IL18RAP: variants seen among roughly 807,000 people sequenced by gnomAD.
The protein encoded by IL18RAP is interleukin-18 receptor accessory protein.
In IL18RAP, 37 loss-of-function variants were observed where a neutral mutation model predicts 58.1. That is an observed-to-expected ratio of 0.64 (90% CI 0.49 to 0.84). The LOEUF is 0.84. IL18RAP is among the 40% of genes least tolerant of loss of function. IL18RAP has a pLI of 0.00. For synonymous variants in IL18RAP, 268 were observed against 257.5 expected, an observed-to-expected ratio of 1.04 and a Z score of -0.39; for missense variants, 667 against 704.8, an observed-to-expected ratio of 0.95 and a Z score of 0.61.
At chr2:102,446,986 G>C (rs1683460674) in intron 7 of IL18RAP, 84 bp from the exon 8 acceptor site, 1 of 1,382,982 alleles carries the variant, frequency 7.2e-7, no homozygotes, top group East Asian at 2.4e-5. Context: ...AAAGGTGCTG[G>C]GTGGGCCATA....
At chr2:102,419,425 C>T (rs915196399), upstream of IL18RAP, 10 of 152,252 alleles carry the variant, frequency 6.6e-5, no homozygotes, top group Non-Finnish European at 1.3e-4. Flanking sequence ...TAGTTTAAGT[C>T]TGCCTTTGAT....
rs2104395043 is a variant in IL18RAP, at chr2:102,452,506, T to C, written c.*325T>C. On this transcript the variant is annotated 3_prime_UTR_variant, in exon 10 of 10. Transcript: ENST00000687160. The stretch of plus-strand genomic sequence containing the variant: ...GGCTAGGGAACTGTCATGTCTACCA[T>C]GTATTGTACATATGACTTTATGTAT... 3.6e-6 allele frequency: 1 copy of C among 275,152 alleles called. No individual in the cohort carries two copies. Among genetic ancestry groups the C allele is most frequent in the South Asian group, 1.2e-4 (1 of 8,018 alleles). The allele number at this position is 275,152 out of a possible 1,614,324, so 17.0% of individuals were successfully genotyped here. A position where few individuals can be genotyped will look rare whatever the true frequency, so the allele number is the denominator to read the frequency against.
Position 102,447,103 on chromosome 2 carries a change from G to C in IL18RAP, c.1106G>C (p.Gly369Ala). 6.2e-7 allele frequency: 1 copy of C among 1,614,066 alleles called. No homozygotes were observed. Among genetic ancestry groups the C allele is most frequent in the Non-Finnish European group, 8.5e-7 (1 of 1,180,000 alleles). ...CTGTACATCCTGCTTGGCACCATCG[G>C]GACCCTGGTGGCCGTGCTGGCGGCG... ...VLLYILLGTI[G>A]TLVAVLAASA... Residue 369 changes from glycine (G) to alanine (A), a missense_variant, in exon 8 of 10, where the codon GGG (glycine) becomes GCG (alanine). Gly to Ala is a moderately conservative substitution (Grantham distance 60, BLOSUM62 0). Transcript: ENST00000687160.
intron 3 of IL18RAP, among the ~76,000 whole-genome samples, chr2:102,426,329 T>C (rs1305374963): frequency 6.6e-6 from 1 of 152,138 alleles, no homozygotes; most frequent in Non-Finnish European, 1.5e-5. Flanking sequence ...CCACCAGATA[T>C]ACAGAGTATA....
Position 102,451,939 on chromosome 2 carries a change from C to A in IL18RAP, c.1558C>A (p.Pro520Thr). ...AATTAAGTTCTGTTACTTCCAAGAG[C>A]CAGAGTCTCTACCTCATCTCGTGAA... is the stretch of plus-strand genomic sequence containing the variant. ...ILIKFCYFQE[P>T]ESLPHLVKKA... The change falls in exon 10 of 10, where the codon CCA (proline) becomes ACA (threonine). Residue 520 changes from proline to threonine, a missense_variant. Transcript: ENST00000687160. 1 of 1,614,168 alleles carries A rather than the reference C, an allele frequency of 6.2e-7. No homozygotes were observed. The highest frequency in any genetic ancestry group is 8.5e-7 in the Non-Finnish European group (1 of 1,180,022).
rs1683092191 is a variant in IL18RAP at position 102,441,373 on chromosome 2, A to G, written c.792A>G (p.Glu264=). ...LDPVEDTLEV[E]LGKPLTISCK... ...CTGTCGAGGACACACTGGAAGTAGA[A>G]CTTGGTAAGCTGGGCCTCATCGCCT... The change falls in exon 5 of 10, where the codon GAA becomes GAG. Residue 264 remains glutamate (E), a synonymous_variant. Coordinates refer to ENST00000687160, the MANE Select transcript of IL18RAP (RefSeq NM_001393487.1). The G allele has an allele frequency of 3.7e-6, 6 of 1,612,838 alleles. No individual in the cohort carries two copies. In the South Asian group the frequency reaches 6.6e-5, roughly 18 times the overall value.
chr2:102,429,177 G>T (rs2104313294), intron 3 of IL18RAP, among the ~76,000 whole-genome samples: 1 of 151,936 alleles, frequency 6.6e-6, no homozygotes, highest in African/African-American at 2.4e-5. Context: ...GGCCTTTTCT[G>T]GCTTTGGTAT....
At chr2:102,429,735 C>T (rs552713370) in intron 3 of IL18RAP, among the ~76,000 whole-genome samples, 17 of 151,936 alleles carry the variant, frequency 1.1e-4, no homozygotes, top group African/African-American at 1.4e-4. Context: ...GGACTGCTTT[C>T]GCTGCATCCC....
At chr2:102,445,148 G>A (rs1347336679) in intron 6 of IL18RAP, 41 bp from the exon 7 acceptor site, 1 of 1,589,654 alleles carries the variant, frequency 6.3e-7, no homozygotes, top group Non-Finnish European at 8.6e-7. Flanking sequence ...GGGTGTCAAT[G>A]TATGTTACTG....
intron 3 of IL18RAP, among the ~76,000 whole-genome samples, chr2:102,435,795 C>T (rs1208714528): frequency 6.6e-6 from 1 of 151,766 alleles, no homozygotes; most frequent in Non-Finnish European, 1.5e-5. Context: ...AATAACTGTT[C>T]TTCTCCCTGC....
At chr2:102,449,935 T>C (rs1683660336) in intron 8 of IL18RAP, among the ~76,000 whole-genome samples, 1 of 152,184 alleles carries the variant, frequency 6.6e-6, no homozygotes, top group Admixed American at 6.5e-5. Flanking sequence ...CTCTGTTGAC[T>C]CTGGGAGCTT....
chr2:102,421,375 A>G (rs550235877), upstream of IL18RAP, among the ~76,000 whole-genome samples: 2 of 152,338 alleles, frequency 1.3e-5, no homozygotes, highest in East Asian at 1.9e-4. Context: ...CATTTTGTCC[A>G]TGGTGCTCTG....
At position 102,445,316 on chromosome 2, in the gene IL18RAP, G is replaced by A. The variant is rs11465716; in HGVS notation, c.1048G>A (p.Val350Ile). 1,275 of 1,614,122 alleles carry A rather than the reference G, an allele frequency of 7.9e-4. 11 individuals are homozygous for A. The African/African-American group carries it at 0.013, about 17-fold the overall frequency. The part of the protein sequence containing the change: ...QNSIGNTTQS[V>I]QLKEKRGVVL... The stretch of plus-strand genomic sequence containing the variant: ...CTCCATTGGAAACACAACCCAGTCC[G>A]TCCAACTGAAAGAAAAGAGAGGAGG... Residue 350 changes from valine (V) to isoleucine (I), a missense_variant, in exon 7 of 10, where the codon GTC becomes ATC. Val to Ile is a conservative substitution (Grantham distance 29, BLOSUM62 3). Transcript: ENST00000687160.
chr2:102,447,253 T>C (rs910585551), intron 8 of IL18RAP, 46 bp downstream of exon 8: 8 of 1,595,574 alleles, frequency 5.0e-6, no homozygotes, highest in Non-Finnish European at 1.7e-6. Flanking sequence ...CCTCTGGGAA[T>C]TGACTTGGAG....
At chr2:102,424,596 C>T (rs1000038844) in intron 3 of IL18RAP, among the ~76,000 whole-genome samples, 182 bp downstream of exon 3, 1 of 152,178 alleles carries the variant, frequency 6.6e-6, no homozygotes, top group Non-Finnish European at 1.5e-5. Flanking sequence ...AGCCACAGAG[C>T]TTGATATTCT....
rs1682805404 is a variant in IL18RAP, at chr2:102,437,206, G to A, written c.580-6G>A. 1.2e-6 allele frequency: 2 copies of A among 1,602,094 alleles called. No individual in the cohort carries two copies. Among genetic ancestry groups the A allele is most frequent in the Admixed American group, 1.7e-5 (1 of 57,324 alleles). ...ATTTATCTGCTTAAAATATCTTTTG[G>A]ATTAGAATGGAAAACTCCTCTCTGT... On this transcript the variant is annotated splice_region_variant and splice_polypyrimidine_tract_variant and intron_variant, in intron 3 of 9. Transcript: ENST00000687160.
upstream of IL18RAP, among the ~76,000 whole-genome samples, chr2:102,421,406 G>A (rs1449188828): frequency 6.6e-6 from 1 of 152,212 alleles, no homozygotes; most frequent in African/African-American, 2.4e-5. Context: ...TTCATCACAT[G>A]GGTGGTGGGA....
At chr2:102,431,653 G>GCTT (rs1308714938) in intron 3 of IL18RAP, among the ~76,000 whole-genome samples, 2 of 151,630 alleles carry the variant, frequency 1.3e-5, no homozygotes, top group African/African-American at 4.8e-5. Flanking sequence ...CATCACGGAT[G>GCTT]CTTTCTTCTG....
upstream of IL18RAP, among the ~76,000 whole-genome samples, chr2:102,422,187 T>C (rs911566035): frequency 6.6e-6 from 1 of 152,206 alleles, no homozygotes; most frequent in African/African-American, 2.4e-5. Flanking sequence ...CAAGACTCTT[T>C]GGTGGACACT....
Sources: gnomAD v4.1 joint callset for allele counts (sites outside exome capture counted in the v4.1 genomes callset) on GRCh38, gnomAD v4.1.1 for gene constraint, MANE v1.5 for transcripts, NCBI Gene and HGNC (gene_info 2026-07-23, HGNC 2026-07-21) for gene names.